Variants in LSAMP observed in about 807,000 individuals in gnomAD.
LSAMP encodes the protein limbic system associated membrane protein.
A neutral mutation model predicts 38.6 loss-of-function variants in LSAMP; 7 were observed. That is an observed-to-expected ratio of 0.18 (90% CI 0.10 to 0.34). The LOEUF (loss-of-function observed/expected upper bound fraction) is 0.34, where lower values mean the gene tolerates loss of function less well. Among genes scored for constraint, LSAMP ranks in the 10% least tolerant of loss-of-function variants. LSAMP has a pLI of 1.00. For synonymous variants in LSAMP, 154 were observed against 166.8 expected (o/e 0.92, Z 0.59); for missense variants, 313 against 420.0 (o/e 0.75, Z 2.23).
intron 3 of LSAMP, among the ~76,000 whole-genome samples, chr3:115,940,427 C>T (rs916193063): frequency 2.7e-5 from 4 of 150,820 alleles, no homozygotes; most frequent in Non-Finnish European, 4.4e-5. Context: ...ATTTACAATC[C>T]TTTAGCTAGA....
At chr3:116,101,389 T>C (rs184659314) in intron 1 of LSAMP, among the ~76,000 whole-genome samples, 2 of 152,246 alleles carry the variant, frequency 1.3e-5, no homozygotes, top group Admixed American at 6.5e-5. Flanking sequence ...ATAATAGATA[T>C]GTGAAACTAA....
At chr3:116,103,876 A>G (rs1708405450) in intron 1 of LSAMP, among the ~76,000 whole-genome samples, 2 of 152,206 alleles carry the variant, frequency 1.3e-5, no homozygotes, top group African/African-American at 4.8e-5. Context: ...TTCTGTAACA[A>G]TAAAGATAAT....
At position 115,804,926 on chromosome 3, in the gene LSAMP, A is replaced by G. The variant is rs914682699; in HGVS notation, c.*5391T>C. On this transcript the variant is annotated 3_prime_UTR_variant, in exon 7 of 7. Transcript: ENST00000490035. ...TTATTTCCTAGGGTGACTCAGCAAGATATTTCTCGAGGATATAACATTTTT... is the reference window on the plus strand; with the variant it reads ...TTATTTCCTAGGGTGACTCAGCAAGGTATTTCTCGAGGATATAACATTTTT... 14 of 152,194 alleles carry G rather than the reference A, an allele frequency of 9.2e-5. No individual in the cohort carries two copies. The highest frequency in any genetic ancestry group is 3.4e-4 in the African/African-American group (14 of 41,446). The allele number at this position is 152,194 out of a possible 1,614,324, so 9.4% of individuals were successfully genotyped here.
At chr3:116,312,131 T>TA (rs1399242569) in intron 1 of LSAMP, among the ~76,000 whole-genome samples, 2 of 152,194 alleles carry the variant, frequency 1.3e-5, no homozygotes, top group African/African-American at 2.4e-5. Context: ...TCTGTGTAGC[T>TA]AAAAATCTTT....
intron 3 of LSAMP, among the ~76,000 whole-genome samples, chr3:115,955,157 A>G (rs112358995): frequency 0.051 from 7,722 of 151,952 alleles, 608 homozygotes; most frequent in African/African-American, 0.17. Flanking sequence ...GACGGTTTCG[A>G]TCTCCTGACC....
chr3:115,852,472 G>T lies in LSAMP; in HGVS notation c.649+11C>A. On this transcript the variant is annotated intron_variant, in intron 4 of 6. Coordinates refer to ENST00000490035, the MANE Select transcript of LSAMP (RefSeq NM_002338.5). ...GGGCACCTAGCACCTGCTGGCTCCT[G>T]CCGTACTCACAGTTCACAGTGACCT... 1 of 1,606,398 alleles carries T rather than the reference G, an allele frequency of 6.2e-7. No homozygotes were observed. The highest frequency in any genetic ancestry group is 8.5e-7 in the Non-Finnish European group (1 of 1,176,712).
chr3:115,811,738 AAGC>A (rs1172138008), intron 6 of LSAMP, among the ~76,000 whole-genome samples: 1 of 152,254 alleles, frequency 6.6e-6, no homozygotes, highest in African/African-American at 2.4e-5. Context: ...TAAATAATAA[AAGC>A]AACAACAACA....
At chr3:116,351,093 C>T (rs987782318) in intron 1 of LSAMP, among the ~76,000 whole-genome samples, 3 of 151,276 alleles carry the variant, frequency 2.0e-5, no homozygotes, top group African/African-American at 7.3e-5. Context: ...TTTTTTCAGC[C>T]CTGAAAGTTT....
At chr3:115,849,123 C>A (rs1350245724) in intron 4 of LSAMP, among the ~76,000 whole-genome samples, 3 of 152,170 alleles carry the variant, frequency 2.0e-5, no homozygotes, top group African/African-American at 7.2e-5. Flanking sequence ...GGGTAAGATA[C>A]AGAAAGCTGA....
chr3:116,090,603 A>G (rs1001552012), intron 1 of LSAMP, among the ~76,000 whole-genome samples: 1 of 152,342 alleles, frequency 6.6e-6, no homozygotes, highest in East Asian at 1.9e-4. Context: ...GCCCCGGAAA[A>G]TCACGTAGGT....
At chr3:116,288,671 A>G (rs923220351) in intron 1 of LSAMP, among the ~76,000 whole-genome samples, 1 of 152,186 alleles carries the variant, frequency 6.6e-6, no homozygotes, top group African/African-American at 2.4e-5. Context: ...AACATGCGGT[A>G]TCTACATTTT....
intron 3 of LSAMP, among the ~76,000 whole-genome samples, chr3:115,871,231 A>G (rs1207479339): frequency 6.6e-6 from 1 of 152,112 alleles, no homozygotes; most frequent in Non-Finnish European, 1.5e-5. Flanking sequence ...GGCAGCCTAG[A>G]ATGGCCATGC....
intron 2 of LSAMP, among the ~76,000 whole-genome samples, chr3:116,043,589 A>G (rs1271415925): frequency 2.0e-5 from 3 of 152,238 alleles, no homozygotes; most frequent in Non-Finnish European, 2.9e-5. Flanking sequence ...TGCTCTGTGA[A>G]GCAGACCTGC....
At chr3:115,995,497 G>T (rs1488503717) in intron 3 of LSAMP, among the ~76,000 whole-genome samples, 1 of 151,988 alleles carries the variant, frequency 6.6e-6, no homozygotes, top group Non-Finnish European at 1.5e-5. Context: ...TGCCTTCTCT[G>T]ATTAATACCA....
At chr3:116,423,317 A>G (rs1221995127) in intron 1 of LSAMP, among the ~76,000 whole-genome samples, 1 of 152,218 alleles carries the variant, frequency 6.6e-6, no homozygotes, top group East Asian at 1.9e-4. Context: ...TTTTATTCCC[A>G]AAGAGGACAC....
At chr3:116,083,290 T>A (rs1406329166) in intron 2 of LSAMP, among the ~76,000 whole-genome samples, 1 of 152,172 alleles carries the variant, frequency 6.6e-6, no homozygotes, top group Non-Finnish European at 1.5e-5. Context: ...ATCAACATCA[T>A]CATCAACCTA....
At chr3:116,284,590 C>G (rs113968721) in intron 1 of LSAMP, among the ~76,000 whole-genome samples, 19 of 152,174 alleles carry the variant, frequency 1.2e-4, no homozygotes, top group Non-Finnish European at 2.1e-4. Flanking sequence ...CAGGTGAAAT[C>G]TCTATGTTTC....
intron 1 of LSAMP, chr3:116,359,901 T>A (rs2048282087): frequency 6.6e-6 from 1 of 152,116 alleles, no homozygotes; most frequent in Admixed American, 6.5e-5. Context: ...GCAATACCAG[T>A]CAAGACATAG....
At chr3:115,854,892 G>GC (rs1935458393) in intron 3 of LSAMP, among the ~76,000 whole-genome samples, 1 of 152,174 alleles carries the variant, frequency 6.6e-6, no homozygotes, top group Non-Finnish European at 1.5e-5. Flanking sequence ...AGGTAGAATA[G>GC]AAAGTAAGAT....
Sources: gnomAD v4.1 joint callset for allele counts (sites outside exome capture counted in the v4.1 genomes callset) on GRCh38, gnomAD v4.1.1 for gene constraint, MANE v1.5 for transcripts, NCBI Gene and HGNC (gene_info 2026-07-23, HGNC 2026-07-21) for gene names.